TAF1C: variants seen among roughly 807,000 people sequenced by gnomAD.
TAF1C encodes the protein TATA-box binding protein associated factor, RNA polymerase I subunit C.
Under a neutral mutation model 70.5 loss-of-function variants are expected in TAF1C, and 79 were observed. That is an observed-to-expected ratio of 1.12 (90% CI 0.93 to 1.35). TAF1C has a LOEUF of 1.35. Among genes scored for constraint, TAF1C ranks in the 40% most tolerant of loss-of-function variants. The pLI, the probability that TAF1C is intolerant of heterozygous loss-of-function variation, is 0.00. For missense variants in TAF1C, 1,412 were observed against 1,127.8 expected, an observed-to-expected ratio of 1.25 and a Z score of -3.61; for synonymous variants, 614 against 491.1, an observed-to-expected ratio of 1.25 and a Z score of -3.31.
At chr16:84,180,575 G>C in intron 12 of TAF1C, 1 of 597,676 alleles carries the variant, frequency 1.7e-6, no homozygotes, top group Non-Finnish European at 2.8e-6. Flanking sequence ...AGTGGGAAAG[G>C]GGTGCTCAGA....
chr16:84,178,176 G>A lies in TAF1C; in HGVS notation c.*765C>T. The stretch of plus-strand genomic sequence containing the variant: ...AAGGGGAGGGAGGAAAGAAAGGGGG[G>A]AGTCTGTGAGGCACAACAGAGAATT... On this transcript the variant is annotated 3_prime_UTR_variant, in exon 15 of 15. Transcript: ENST00000566732. 4 of 382,388 alleles carry A rather than the reference G, an allele frequency of 1.0e-5. No homozygotes were observed. The highest frequency in any genetic ancestry group is 1.5e-5 in the Non-Finnish European group (3 of 195,192). The allele number at this position is 382,388 out of a possible 1,614,324, so 23.7% of individuals were successfully genotyped here. A position where few individuals can be genotyped will look rare whatever the true frequency, so the allele number is the denominator to read the frequency against.
Position 84,179,609 on chromosome 16 carries a change from G to A in TAF1C, c.1864C>T (p.Leu622=), listed in dbSNP as rs1292998490. 5.6e-6 allele frequency: 9 copies of A among 1,612,682 alleles called. No individual in the cohort carries two copies. Among genetic ancestry groups the A allele is most frequent in the Non-Finnish European group, 7.6e-6 (9 of 1,179,914 alleles). ...GGTGCTGTCCACACAGGAGGAGCCA[G>A]GGGCACTTTTAGCAGGGCCTTCAGC... ...QWLKALLKVP[L]APPVWTAPTF... Residue 622 remains leucine (L), a synonymous_variant, in exon 15 of 15, where the codon CTG becomes TTG. Transcript: ENST00000566732.
chr16:84,181,745 C>T lies in TAF1C; in HGVS notation c.956+1G>A. 2 of 1,614,084 alleles carry T rather than the reference C, an allele frequency of 1.2e-6. No homozygotes were observed. Among genetic ancestry groups the T allele is most frequent in the South Asian group, 1.1e-5 (1 of 91,080 alleles). ...TCACCGACCAACCTGACCCCCCTCA[C>T]CTGAGGCTGATCCCCGTGGCCCCTT... On this transcript the variant is annotated splice_donor_variant, in intron 9 of 14. Coordinates refer to ENST00000566732, the MANE Select transcript of TAF1C (RefSeq NM_001243156.2). LOFTEE classifies it high-confidence loss of function.
At position 84,179,394 on chromosome 16, in the gene TAF1C, C is replaced by A. The variant is rs1267164290; in HGVS notation, c.2079G>T (p.Glu693Asp). 3 of 1,598,218 alleles carry A rather than the reference C, an allele frequency of 1.9e-6. No homozygotes were observed. Among genetic ancestry groups the A allele is most frequent in the Middle Eastern group, 1.7e-4 (1 of 6,048 alleles). Reference sequence around the variant, plus strand: ...GGCCTGCCCAGGCTTCCCCCAGGCGCTCACTGAGCTTGTCCTCTAGGCCTG... The same window carrying A: ...GGCCTGCCCAGGCTTCCCCCAGGCGATCACTGAGCTTGTCCTCTAGGCCTG... The part of the protein sequence containing the change: ...PESGLEDKLS[E>D]RLGEAWAGRG... Residue 693 changes from glutamate (E) to aspartate (D), a missense_variant, in exon 15 of 15, where the codon GAG becomes GAT. Physicochemically the swap from Glu to Asp is conservative, Grantham distance 45. Coordinates refer to ENST00000566732, the MANE Select transcript of TAF1C (RefSeq NM_001243156.2).
At chr16:84,184,176 G>A (rs2089357995) in intron 2 of TAF1C, among the ~76,000 whole-genome samples, 1 of 152,216 alleles carries the variant, frequency 6.6e-6, no homozygotes, top group African/African-American at 2.4e-5. Flanking sequence ...TTGCTGGGCT[G>A]GCCTGGGATG....
rs760191451 is a variant in TAF1C, at chr16:84,181,544, C to T, written c.1028+48G>A. 96 of 1,613,622 alleles carry T rather than the reference C, an allele frequency of 5.9e-5. 2 individuals carry two copies. The East Asian group carries it at 1.1e-3, about 19-fold the overall frequency. The stretch of plus-strand genomic sequence containing the variant: ...AAGGGTCGCGACATGCTCAACAGGG[C>T]GGAGTTCAGTTCGTTAGGGTGGGGG... On this transcript the variant is annotated intron_variant, in intron 10 of 14. Transcript: ENST00000566732.
chr16:84,181,887 G>T (rs1428183888), intron 8 of TAF1C, 24 bp from the exon 9 acceptor site: 1 of 1,614,176 alleles, frequency 6.2e-7, no homozygotes, highest in South Asian at 1.1e-5. Context: ...GAAAGGGCCA[G>T]GGGTCAGGTA....
At position 84,181,972 on chromosome 16, in the gene TAF1C, G is replaced by A; in HGVS notation, c.808C>T (p.Gln270Ter). The change falls in exon 8 of 15, where the codon CAA becomes TAA. Residue 270 changes from glutamine (Q) to a stop codon, truncating the protein, a stop_gained. Transcript: ENST00000566732. LOFTEE classifies it high-confidence loss of function. ...CCCTGGACGGTGCATGTCACCACTTGCCGGACAGGTCCCTGGAGCTGGATG... is the reference window on the plus strand; with the variant it reads ...CCCTGGACGGTGCATGTCACCACTTACCGGACAGGTCCCTGGAGCTGGATG... ...GRIQLQGPVR[Q>*]VVTCTVQGET... 1 of 1,613,892 alleles carries A rather than the reference G, an allele frequency of 6.2e-7. No individual in the cohort carries two copies. The highest frequency in any genetic ancestry group is 1.1e-5 in the South Asian group (1 of 91,084).
At chr16:84,180,883 G>A in intron 12 of TAF1C, 160 bp downstream of exon 12, 2 of 1,429,496 alleles carry the variant, frequency 1.4e-6, no homozygotes, top group Non-Finnish European at 1.8e-6. Context: ...AGCACCGACT[G>A]TGGGATCCAC....
At position 84,178,708 on chromosome 16, in the gene TAF1C, A is replaced by C; in HGVS notation, c.*233T>G. 1 of 580,256 alleles carries C rather than the reference A, an allele frequency of 1.7e-6. No homozygotes were observed. 35.9% of individuals were successfully genotyped at this position (580,256 alleles called of 1,614,324 possible). A position where few individuals can be genotyped will look rare whatever the true frequency, so the allele number is the denominator to read the frequency against. ...GCAACACAGGCCCACCGGCACCTCC[A>C]GCCTGCCTTGCGGGATGATCTTCAG... On this transcript the variant is annotated 3_prime_UTR_variant, in exon 15 of 15. Transcript: ENST00000566732.
In TAF1C at chr16:84,183,553, G is replaced by A. The variant is rs764292196; in HGVS notation, c.221-46C>T. The A allele has an allele frequency of 6.7e-5, 106 of 1,570,996 alleles. No individual in the cohort carries two copies. In the East Asian group the frequency reaches 1.6e-3, roughly 23 times the overall value. On this transcript the variant is annotated intron_variant, in intron 3 of 14. Coordinates refer to ENST00000566732, the MANE Select transcript of TAF1C (RefSeq NM_001243156.2). Reference sequence around the variant, plus strand: ...AGGGCTGGGGAGGGCACAGGAGTGCGGCCAGATGCCCTGGGCGACTGGAGG... The same window carrying A: ...AGGGCTGGGGAGGGCACAGGAGTGCAGCCAGATGCCCTGGGCGACTGGAGG...
Position 84,184,879 on chromosome 16 carries a change from A to T in TAF1C, c.110T>A (p.Leu37Gln), listed in dbSNP as rs1181681582. ...TGAGTTCTGGGGCTGGGCCTCTGGC[A>T]GAGTCAGTGCGTCTCGCCAGCTGCA... is the stretch of plus-strand genomic sequence containing the variant. ...FMCSWRDALT[L>Q]PEAQPQNSEN... is the part of the protein sequence containing the mutation. Residue 37 changes from leucine to glutamine, a missense_variant, in exon 2 of 15, where the codon CTG (leucine) becomes CAG (glutamine). By Grantham distance (113) the Leu-to-Gln change is moderately radical. Transcript: ENST00000566732. 6 of 1,610,216 alleles carry T rather than the reference A, an allele frequency of 3.7e-6. No homozygotes were observed. In the East Asian group the frequency reaches 1.3e-4, roughly 36 times the overall value.
rs750416411 is a variant in TAF1C at position 84,180,182 on chromosome 16, G to A, written c.1471C>T (p.Leu491=). 1.7e-5 allele frequency: 27 copies of A among 1,546,142 alleles called. No individual in the cohort carries two copies. Among genetic ancestry groups the A allele is most frequent in the Middle Eastern group, 3.4e-4 (2 of 5,798 alleles). ...CCTGGACCCTCACCTGCCAGGTGCA[G>A]CAGCTGCAGCTGCCCACCCTGGCCT... The part of the protein sequence containing the change: ...LGGQGGQLQL[L]HLAGEGASVP... The change falls in exon 13 of 15, where the codon CTG becomes TTG. Residue 491 remains leucine (L), a synonymous_variant. Transcript: ENST00000566732.
rs746083892 is a variant in TAF1C, at chr16:84,179,625, G to A, written c.1848C>T (p.Ala616=). The A allele has an allele frequency of 1.2e-6, 2 of 1,612,594 alleles. No individual in the cohort carries two copies. The highest frequency in any genetic ancestry group is 2.2e-5 in the South Asian group (2 of 91,056). ...GAGGAGCCAGGGGCACTTTTAGCAG[G>A]GCCTTCAGCCACTGGCTGCAGCCGG... ...DTAGCSQWLK[A]LLKVPLAPPV... Residue 616 remains alanine (A), a synonymous_variant, in exon 15 of 15, where the codon GCC becomes GCT. Coordinates refer to ENST00000566732, the MANE Select transcript of TAF1C (RefSeq NM_001243156.2).
At position 84,182,130 on chromosome 16, in the gene TAF1C, G is replaced by C. The variant is rs947174937; in HGVS notation, c.721+72C>G. The C allele has an allele frequency of 2.5e-6, 4 of 1,590,870 alleles. No individual in the cohort carries two copies. Among genetic ancestry groups the C allele is most frequent in the Admixed American group, 3.4e-5 (2 of 58,800 alleles). On this transcript the variant is annotated intron_variant, in intron 7 of 14. Coordinates refer to ENST00000566732, the MANE Select transcript of TAF1C (RefSeq NM_001243156.2). The surrounding 1 kb of genome is among the most constrained non-coding windows in gnomAD (Gnocchi z 5.0). ...GCCCCCCAAATTCCTGCCCTTCTCT[G>C]GACCATGCCAAGAGCACCTCCTCTA...
chr16:84,181,518 C>T (rs771637785), intron 10 of TAF1C, 55 bp from the exon 11 acceptor site: 43 of 1,613,492 alleles, frequency 2.7e-5, no homozygotes, highest in Admixed American at 2.5e-4. Context: ...GGAAGGGGCT[C>T]AAGGGTCGCG....
intron 14 of TAF1C, 24 bp from the exon 15 acceptor site, chr16:84,179,875 C>T: frequency 6.2e-7 from 1 of 1,609,456 alleles, no homozygotes; most frequent in Non-Finnish European, 8.5e-7. Context: ...TGACAATGAC[C>T]TCCAGGGCCT....
At position 84,178,015 on chromosome 16, in the gene TAF1C, G is replaced by A. The variant is rs1421160148; in HGVS notation, c.*926C>T. 1.5e-6 allele frequency: 1 copy of A among 647,968 alleles called. No individual in the cohort carries two copies. Among genetic ancestry groups the A allele is most frequent in the South Asian group, 1.6e-5 (1 of 61,310 alleles). The allele number at this position is 647,968 out of a possible 1,614,324, so 40.1% of individuals were successfully genotyped here. A position where few individuals can be genotyped will look rare whatever the true frequency, so the allele number is the denominator to read the frequency against. ...TGAAAAAAGACCTTTCTCTTACTAT[G>A]TCATCAGAAACCAGACAGACCCGGG... is the stretch of plus-strand genomic sequence containing the variant. On this transcript the variant is annotated 3_prime_UTR_variant, in exon 15 of 15. Transcript: ENST00000566732.
Position 84,180,012 on chromosome 16 carries a change from C to G in TAF1C, c.1555G>C (p.Ala519Pro). 1 of 1,611,746 alleles carries G rather than the reference C, an allele frequency of 6.2e-7. No homozygotes were observed. Among genetic ancestry groups the G allele is most frequent in the Non-Finnish European group, 8.5e-7 (1 of 1,179,500 alleles). ...ATCTTAGGCTCCAGCAGAGGAAATG[C>G]AGGGAGGGAGTCGATCCTGGAAGGA... ...SLPSRIDSLP[A>P]FPLLEPKIQW... The change falls in exon 14 of 15, where the codon GCA becomes CCA. Residue 519 changes from alanine to proline, a missense_variant. Ala to Pro is a conservative substitution (Grantham distance 27). Transcript: ENST00000566732.
Sources: gnomAD v4.1 joint callset for allele counts (sites outside exome capture counted in the v4.1 genomes callset) on GRCh38, gnomAD v4.1.1 for gene constraint, Gnocchi (gnomAD v3.1) non-coding constraint, MANE v1.5 for transcripts, NCBI Gene and HGNC (gene_info 2026-07-23, HGNC 2026-07-21) for gene names.